ANKRD30BL: variants seen among roughly 807,000 people sequenced by gnomAD.
ANKRD30BL encodes the protein putative ankyrin repeat domain-containing protein 30B-like.
In ANKRD30BL, 20 loss-of-function variants were observed where a neutral mutation model predicts 18.4. That is an observed-to-expected ratio of 1.09 (90% CI 0.77 to 1.58). The LOEUF (loss-of-function observed/expected upper bound fraction) is 1.58. Among genes scored for constraint, ANKRD30BL ranks in the 40% most tolerant of loss-of-function variants. ANKRD30BL has a pLI of 0.00. For missense variants in ANKRD30BL, 224 were observed against 268.6 expected (o/e 0.83, Z 1.16); for synonymous variants, 72 against 100.9 (o/e 0.71, Z 1.72).
rs557353890 is a variant in ANKRD30BL, at chr2:132,252,956, G to GC, written n.441+4572dup. Among the ~76,000 whole-genome samples the GC allele has an allele frequency of 1.3e-3, 202 of 152,240 alleles. 1 individual carries two copies. Among genetic ancestry groups the GC allele is most frequent in the African/African-American group, 4.4e-3 (184 of 41,554 alleles). ...CTCTCTCTCTTCCTCACAGCCGGGA[G>GC]CCCCCCTTCCCCACGCCACCCAACG... is the stretch of plus-strand genomic sequence containing the variant. On this transcript the variant is annotated intron_variant and non_coding_transcript_variant, in intron 1 of 4. Transcript: ENST00000470729.
chr2:132,148,854 C>A (rs1281519307), intron 5 of ANKRD30BL, among the ~76,000 whole-genome samples: 2 of 151,906 alleles, frequency 1.3e-5, no homozygotes, highest in South Asian at 4.2e-4. Flanking sequence ...ATGCTAAGTA[C>A]CTTAATAAAC....
At chr2:132,213,108 C>T (rs1180768647) in intron 1 of ANKRD30BL, among the ~76,000 whole-genome samples, 1 of 150,782 alleles carries the variant, frequency 6.6e-6, no homozygotes, top group Non-Finnish European at 1.5e-5. Flanking sequence ...AGCAAGTGGA[C>T]ATTTGGAGGT....
intron 1 of ANKRD30BL, among the ~76,000 whole-genome samples, chr2:132,177,044 A>G (rs1015818178): frequency 2.6e-5 from 4 of 152,206 alleles, no homozygotes; most frequent in African/African-American, 9.6e-5. Flanking sequence ...ATTTTTCTCA[A>G]ACACTTGCCA....
chr2:132,223,461 A>C (rs528535740), intron 1 of ANKRD30BL, among the ~76,000 whole-genome samples: 42 of 151,720 alleles, frequency 2.8e-4, no homozygotes, highest in African/African-American at 8.7e-4. Context: ...TTCCCATAGA[A>C]ACTAGACAGA....
intron 4 of ANKRD30BL, 96 bp from the exon 5 acceptor site, chr2:132,151,072 T>C (rs1279280046): frequency 2.5e-5 from 11 of 447,136 alleles, no homozygotes; most frequent in African/African-American, 8.3e-5. Flanking sequence ...TTTCAGACAA[T>C]ATTAGAGCTA....
chr2:132,154,652 A>AG lies in ANKRD30BL; in HGVS notation c.614+9_614+10insC. 1.5e-6 allele frequency: 1 copy of AG among 661,406 alleles called. No individual in the cohort carries two copies. The highest frequency in any genetic ancestry group is 2.8e-5 in the East Asian group (1 of 36,020). The allele number at this position is 661,406 out of a possible 1,614,324, so 41.0% of individuals were successfully genotyped here. On this transcript the variant is annotated intron_variant, in intron 4 of 5. Coordinates refer to ENST00000409867, the MANE Select transcript of ANKRD30BL (RefSeq NM_001358416.1). ...ACTCAAGTGTTTTTTAATAAAAAAA[A>AG]CTACTATACCATTTAAACTTATCAA...
chr2:132,214,715 G>A (rs559383491), intron 1 of ANKRD30BL, among the ~76,000 whole-genome samples: 22 of 151,808 alleles, frequency 1.4e-4, no homozygotes, highest in Admixed American at 7.3e-4. Context: ...CTTTCTTTGC[G>A]ATGTGTGCAT....
At chr2:132,253,157 C>T (rs544730621) in intron 1 of ANKRD30BL, 28 of 220,274 alleles carry the variant, frequency 1.3e-4, no homozygotes, top group East Asian at 8.3e-4. Flanking sequence ...TGGCAAGTGA[C>T]GCTCAGACAG....
At chr2:132,198,336 T>A (rs1679017402) in intron 1 of ANKRD30BL, among the ~76,000 whole-genome samples, 1 of 129,402 alleles carries the variant, frequency 7.7e-6, no homozygotes, top group Non-Finnish European at 1.6e-5. Flanking sequence ...TTTTTTTTTT[T>A]TTTTTTAGAC....
At chr2:132,221,056 G>A (rs1282566607) in intron 1 of ANKRD30BL, among the ~76,000 whole-genome samples, 91 of 142,792 alleles carry the variant, frequency 6.4e-4, no homozygotes, top group East Asian at 1.7e-3. Context: ...CGGCCGCCCC[G>A]TCTGAGAAGT....
chr2:132,180,753 T>C (rs570751752), intron 1 of ANKRD30BL, among the ~76,000 whole-genome samples: 1 of 152,182 alleles, frequency 6.6e-6, no homozygotes, highest in Non-Finnish European at 1.5e-5. Flanking sequence ...CTCTGTAATG[T>C]TATTTCTAGC....
chr2:132,181,971 C>A (rs1045349249), intron 1 of ANKRD30BL, among the ~76,000 whole-genome samples: 7 of 151,796 alleles, frequency 4.6e-5, no homozygotes, highest in African/African-American at 1.7e-4. Context: ...ATTAGCCGGG[C>A]GTGGTGGTGC....
At chr2:132,205,484 G>A (rs539301626) in intron 1 of ANKRD30BL, among the ~76,000 whole-genome samples, 3 of 151,656 alleles carry the variant, frequency 2.0e-5, no homozygotes, top group South Asian at 2.1e-4. Flanking sequence ...GCTTGTAATC[G>A]CAGCTACTCG....
At chr2:132,227,353 G>C (rs1679874676) in intron 1 of ANKRD30BL, among the ~76,000 whole-genome samples, 1 of 152,036 alleles carries the variant, frequency 6.6e-6, no homozygotes, top group Non-Finnish European at 1.5e-5. Context: ...ACACTTTGAG[G>C]CCTATAGTGG....
At chr2:132,238,702 T>C (rs62166202) in intron 1 of ANKRD30BL, among the ~76,000 whole-genome samples, 1 of 152,034 alleles carries the variant, frequency 6.6e-6, no homozygotes, top group Non-Finnish European at 1.5e-5. Flanking sequence ...TTTCTTTTGA[T>C]AGAGCAGTTT....
At chr2:132,256,403 C>T (rs1025069142) in intron 1 of ANKRD30BL, among the ~76,000 whole-genome samples, 5 of 152,160 alleles carry the variant, frequency 3.3e-5, no homozygotes, top group Non-Finnish European at 4.4e-5. Context: ...ACCCTTCGTG[C>T]CCATGTGCGA....
chr2:132,200,771 C>A (rs1679081838), intron 1 of ANKRD30BL, among the ~76,000 whole-genome samples: 1 of 152,142 alleles, frequency 6.6e-6, no homozygotes, highest in South Asian at 2.1e-4. Flanking sequence ...CAATGACTTT[C>A]TTCACAGAAT....
chr2:132,155,393 C>G (rs1446302803), intron 3 of ANKRD30BL: 1 of 152,186 alleles, frequency 6.6e-6, no homozygotes, highest in African/African-American at 2.4e-5. Context: ...GAGGTTTCCT[C>G]TGGCTGATAC....
chr2:132,213,821 A>G lies in ANKRD30BL; in HGVS notation n.441+43708T>C, dbSNP rs1211979866. ...ATGGTGGAAAAGGAAGTAACTTCCC[A>G]TAAAAACTAGACAGAATCTTTCTTA... On this transcript the variant is annotated intron_variant and non_coding_transcript_variant, in intron 1 of 4. Coordinates refer to the ANKRD30BL transcript ENST00000470729. Among the ~76,000 whole-genome samples, 5 of 152,164 alleles carry G rather than the reference A, an allele frequency of 3.3e-5. No homozygotes were observed. In the East Asian group the frequency reaches 7.8e-4, roughly 24 times the overall value.
Sources: gnomAD v4.1 joint callset for allele counts (sites outside exome capture counted in the v4.1 genomes callset) on GRCh38, gnomAD v4.1.1 for gene constraint, MANE v1.5 for transcripts, NCBI Gene and HGNC (gene_info 2026-07-23, HGNC 2026-07-21) for gene names.